Variants in PITHD1 observed in about 807,000 individuals in gnomAD.
PITHD1 encodes the protein PITH domain containing 1, also known as PITH domain-containing protein 1.
In PITHD1, 8 loss-of-function variants were observed where a neutral mutation model predicts 27.5. The observed-to-expected ratio is 0.29, with a 90% CI of 0.17 to 0.52. PITHD1 has a LOEUF of 0.52. Ranked by LOEUF, PITHD1 falls within the 20% of genes least tolerant of loss-of-function variation. The pLI, the probability that PITHD1 is intolerant of heterozygous loss-of-function variation, is 0.96. For synonymous variants in PITHD1, 118 were observed against 106.8 expected, an observed-to-expected ratio of 1.10 and a Z score of -0.64; for missense variants, 233 against 283.9, an observed-to-expected ratio of 0.82 and a Z score of 1.29.
chr1:23,782,778 T>C (rs1638621888), intron 3 of PITHD1, among the ~76,000 whole-genome samples: 1 of 151,792 alleles, frequency 6.6e-6, no homozygotes, highest in African/African-American at 2.4e-5. Flanking sequence ...ATTTATGTAT[T>C]TTTTTGCAGA....
intron 5 of PITHD1, among the ~76,000 whole-genome samples, chr1:23,786,644 A>G (rs1037809974): frequency 2.1e-4 from 31 of 148,490 alleles, no homozygotes; most frequent in African/African-American, 6.4e-4. Context: ...TATATAATAT[A>G]TATATATATA....
intron 3 of PITHD1, among the ~76,000 whole-genome samples, chr1:23,781,705 G>C (rs1250891921): frequency 6.6e-6 from 1 of 152,120 alleles, no homozygotes; most frequent in African/African-American, 2.4e-5. Flanking sequence ...GAGTAAACTG[G>C]GTTCAAATAA....
At chr1:23,784,013 AC>A (rs1638648005) in intron 3 of PITHD1, among the ~76,000 whole-genome samples, 1 of 152,162 alleles carries the variant, frequency 6.6e-6, no homozygotes, top group South Asian at 2.1e-4. Flanking sequence ...ATGTACTATT[AC>A]CATTCCCATT....
rs1487282549 is a variant in PITHD1 at position 23,778,440 on chromosome 1, G to C, written c.-76G>C. 192 of 1,061,464 alleles carry C rather than the reference G, an allele frequency of 1.8e-4. No homozygotes were observed. Among genetic ancestry groups the C allele is most frequent in the Non-Finnish European group, 2.3e-4 (186 of 824,722 alleles). The allele number at this position is 1,061,464 out of a possible 1,614,324, so 65.8% of individuals were successfully genotyped here. A position where few individuals can be genotyped will look rare whatever the true frequency, so the allele number is the denominator to read the frequency against. On this transcript the variant is annotated 5_prime_UTR_variant, in exon 1 of 6. Coordinates refer to ENST00000246151, the MANE Select transcript of PITHD1 (RefSeq NM_020362.5). ...CTTAGTTGCCGGAGCTGAACGGCGC[G>C]GAGCTGGTCTGAGGCGAGCCGAGCC...
intron 5 of PITHD1, 119 bp from the exon 6 acceptor site, chr1:23,787,156 G>A: frequency 1.7e-6 from 1 of 589,422 alleles, no homozygotes; most frequent in Non-Finnish European, 3.1e-6. Flanking sequence ...ATTAAAATAA[G>A]GAGATATTAA....
Position 23,779,960 on chromosome 1 carries a change from G to A in PITHD1, c.320+19G>A, listed in dbSNP as rs780922353. On this transcript the variant is annotated intron_variant, in intron 3 of 5. Transcript: ENST00000246151. ...TGAGACTGTAAGTGGCAAAGGCTTA[G>A]GCCCTCAAAGGAGCTCCTAATTCTC... 2.0e-6 allele frequency: 3 copies of A among 1,467,642 alleles called. No homozygotes were observed. In the East Asian group the frequency reaches 6.8e-5, roughly 33 times the overall value. The allele number at this position is 1,467,642 out of a possible 1,614,324, so 90.9% of individuals were successfully genotyped here.
At chr1:23,782,083 CA>C (rs1469360354) in intron 3 of PITHD1, among the ~76,000 whole-genome samples, 1 of 152,140 alleles carries the variant, frequency 6.6e-6, no homozygotes, top group African/African-American at 2.4e-5. Context: ...AGTATTAAAT[CA>C]GGGAAGTTTG....
In PITHD1 at chr1:23,778,709, C is replaced by T. The variant is rs753285711; in HGVS notation, c.194C>T (p.Ser65Phe). Residue 65 changes from serine (S) to phenylalanine (F), a missense_variant, in exon 1 of 6, where the codon TCC becomes TTC. Transcript: ENST00000246151. ...CCGTGGGAGGAGCGGACCGACCGCT[C>T]CAAGGTGGGCCGCCTGGGGCTTGGG... is the stretch of plus-strand genomic sequence containing the variant. Reference protein sequence around the residue: ...FKPWEERTDRSKFVESDADEE... With the variant: ...FKPWEERTDRFKFVESDADEE... 38 of 1,283,048 alleles carry T rather than the reference C, an allele frequency of 3.0e-5. 1 individual carries two copies. The South Asian group carries it at 8.4e-4, about 28-fold the overall frequency. 79.5% of individuals were successfully genotyped at this position (1,283,048 alleles called of 1,614,324 possible).
At chr1:23,785,622 C>T in intron 3 of PITHD1, 53 bp from the exon 4 acceptor site, 1 of 1,186,364 alleles carries the variant, frequency 8.4e-7, no homozygotes, top group Non-Finnish European at 1.2e-6. Flanking sequence ...ATTTTGAAAA[C>T]CTGAAACGTG....
intron 3 of PITHD1, among the ~76,000 whole-genome samples, chr1:23,780,652 C>T (rs1229760967): frequency 1.3e-5 from 2 of 151,992 alleles, no homozygotes; most frequent in Non-Finnish European, 2.9e-5. Context: ...GAGGCTGAGG[C>T]GGGCGGATCA....
At position 23,778,505 on chromosome 1, in the gene PITHD1, G is replaced by T; in HGVS notation, c.-11G>T. On this transcript the variant is annotated 5_prime_UTR_variant, in exon 1 of 6. Coordinates refer to ENST00000246151, the MANE Select transcript of PITHD1 (RefSeq NM_020362.5). ...GTGGGGCCGAGAGGACGCGCAGGTG[G>T]CGGCGTTGCCATGTCGCACGGTCAC... is the stretch of plus-strand genomic sequence containing the variant. 7.4e-7 allele frequency: 1 copy of T among 1,347,974 alleles called. No homozygotes were observed. The highest frequency in any genetic ancestry group is 9.5e-7 in the Non-Finnish European group (1 of 1,056,010). 83.5% of individuals were successfully genotyped at this position (1,347,974 alleles called of 1,614,324 possible).
intron 3 of PITHD1, among the ~76,000 whole-genome samples, chr1:23,781,658 C>T (rs1471715442): frequency 1.6e-4 from 25 of 152,184 alleles, no homozygotes. Context: ...GAATATTAGG[C>T]ATCCATGCTG....
chr1:23,779,997 A>G, intron 3 of PITHD1, 56 bp downstream of exon 3: 1 of 1,081,064 alleles, frequency 9.3e-7, no homozygotes, highest in Non-Finnish European at 1.4e-6. Flanking sequence ...TTTTCTGGTA[A>G]CATTTTATTC....
rs1488774174 is a variant in PITHD1 at position 23,782,418 on chromosome 1, C to T, written c.320+2477C>T. ...TGTGTGACAGTGCAAGACTCTGTCT[C>T]AAAAGAAAAAAAAAAAAGAATTACC... On this transcript the variant is annotated intron_variant, in intron 3 of 5. Transcript: ENST00000246151. Among the ~76,000 whole-genome samples the T allele has an allele frequency of 2.8e-5, 4 of 145,278 alleles. No homozygotes were observed. In the East Asian group the frequency reaches 6.1e-4, roughly 22 times the overall value.
At position 23,783,430 on chromosome 1, in the gene PITHD1, C is replaced by CGTGTGTGT. The variant is rs35540755; in HGVS notation, c.321-2228_321-2221dup. Among the ~76,000 whole-genome samples, 198 of 134,416 alleles carry CGTGTGTGT rather than the reference C, an allele frequency of 1.5e-3. 1 individual carries two copies. The highest frequency in any genetic ancestry group is 0.01 in the South Asian group (43 of 4,200). The allele number at this position is 134,416 out of a possible 152,430, so 88.2% of individuals were successfully genotyped here. On this transcript the variant is annotated intron_variant, in intron 3 of 5. Transcript: ENST00000246151. ...ATACACATATATATGCGTATATATA[C>CGTGTGTGT]GTGTGTGTGTGTGTGTGTGTGTGTA...
chr1:23,781,839 A>C (rs1258879229), intron 3 of PITHD1, among the ~76,000 whole-genome samples: 1 of 152,202 alleles, frequency 6.6e-6, no homozygotes, highest in Non-Finnish European at 1.5e-5. Flanking sequence ...GAGAGGCTTA[A>C]ATGAGATAAA....
In PITHD1 at chr1:23,779,456, G is replaced by C; in HGVS notation, c.217G>C (p.Asp73His). The change falls in exon 2 of 6, where the codon GAT becomes CAT. Residue 73 changes from aspartate to histidine, a missense_variant. Coordinates refer to ENST00000246151, the MANE Select transcript of PITHD1 (RefSeq NM_020362.5). The part of the protein sequence containing the change: ...DRSKFVESDA[D>H]EELLFNIPFT... Reference sequence around the variant, plus strand: ...CCTCCAGTTTGTTGAAAGTGATGCAGATGAAGAGCTTCTGTTTAATATTCC... The same window carrying C: ...CCTCCAGTTTGTTGAAAGTGATGCACATGAAGAGCTTCTGTTTAATATTCC... 1 of 1,613,010 alleles carries C rather than the reference G, an allele frequency of 6.2e-7. No homozygotes were observed. The highest frequency in any genetic ancestry group is 8.5e-7 in the Non-Finnish European group (1 of 1,179,006).
chr1:23,782,850 A>G (rs1214608607), intron 3 of PITHD1, among the ~76,000 whole-genome samples: 1 of 151,864 alleles, frequency 6.6e-6, no homozygotes, highest in African/African-American at 2.4e-5. Flanking sequence ...CAGGCTGCCC[A>G]CCTCAGCCTC....
chr1:23,782,770 T>G (rs1638621684), intron 3 of PITHD1, among the ~76,000 whole-genome samples: 1 of 151,642 alleles, frequency 6.6e-6, no homozygotes, highest in South Asian at 2.1e-4. Context: ...CCCAGCTAAT[T>G]TATGTATTTT....
Sources: gnomAD v4.1 joint callset for allele counts (sites outside exome capture counted in the v4.1 genomes callset) on GRCh38, gnomAD v4.1.1 for gene constraint, MANE v1.5 for transcripts, NCBI Gene and HGNC (gene_info 2026-07-23, HGNC 2026-07-21) for gene names.